Variants in PPP6R1 observed in about 807,000 individuals in gnomAD.
PPP6R1 encodes protein phosphatase 6 regulatory subunit 1.
PPP6R1 carries 39 observed loss-of-function variants against 104.6 expected under a neutral mutation model. The ratio of observed to expected loss-of-function variants is 0.37; its 90% CI spans 0.29 to 0.49. PPP6R1 has a LOEUF of 0.49. Ranked by LOEUF, PPP6R1 falls within the 20% of genes least tolerant of loss-of-function variation. PPP6R1 has a pLI of 0.98. For missense variants in PPP6R1, 1,181 were observed against 1,155.8 expected, an observed-to-expected ratio of 1.02 and a Z score of -0.32; for synonymous variants, 549 against 479.0, an observed-to-expected ratio of 1.15 and a Z score of -1.91.
At chr19:55,257,596 C>T (rs971311707) in intron 1 of PPP6R1, among the ~76,000 whole-genome samples, 9 of 152,152 alleles carry the variant, frequency 5.9e-5, no homozygotes, top group African/African-American at 2.2e-4. Context: ...CCCTTCTTCC[C>T]ACTCTCCATC....
rs770506500 is a variant in PPP6R1 at position 55,240,214 on chromosome 19, A to G, written c.1361+22T>C. 4 of 1,579,048 alleles carry G rather than the reference A, an allele frequency of 2.5e-6. 1 individual carries two copies. The South Asian group carries it at 3.5e-5, about 14-fold the overall frequency. On this transcript the variant is annotated intron_variant, in intron 11 of 23. Transcript: ENST00000412770. ...CCAGGCAGCCCCAGCCCCTGGAGAC[A>G]TGAAGGGCAGCAGGTGCTCACTGTA...
In PPP6R1 at chr19:55,236,785, G is replaced by A. The variant is rs772046541; in HGVS notation, c.1846C>T (p.Arg616Cys). 24 of 1,613,810 alleles carry A rather than the reference G, an allele frequency of 1.5e-5. No individual in the cohort carries two copies. Among genetic ancestry groups the A allele is most frequent in the East Asian group, 2.2e-5 (1 of 44,892 alleles). ...ANLLEICYKDRIQQFDDDEEE... is the reference protein window; with the variant it reads ...ANLLEICYKDCIQQFDDDEEE... ...TCATCATCATCAAACTGCTGGATGCGGTCCTTGTAGCATATCTCAAGTAGG... is the reference window on the plus strand; with the variant it reads ...TCATCATCATCAAACTGCTGGATGCAGTCCTTGTAGCATATCTCAAGTAGG... Residue 616 changes from arginine to cysteine, a missense_variant, in exon 17 of 24, where the codon CGC becomes TGC. Around this residue, in one of 2 missense-constraint regions of PPP6R1, gnomAD observed 1,042 missense variants for 955.6 expected, o/e 1.09. Transcript: ENST00000412770.
At position 55,245,187 on chromosome 19, in the gene PPP6R1, T is replaced by C; in HGVS notation, c.553-2A>G. ...GACGATCTTCTCCTCGTTGAGCCAC[T>C]GAGGGTGAGAAGGCGAGGGATGCAT... On this transcript the variant is annotated splice_acceptor_variant, in intron 4 of 23. Coordinates refer to ENST00000412770, the MANE Select transcript of PPP6R1 (RefSeq NM_014931.4). LOFTEE classifies it high-confidence loss of function. The surrounding 1 kb of genome is among the most constrained non-coding windows in gnomAD (Gnocchi z 6.4). The C allele has an allele frequency of 6.2e-7, 1 of 1,612,752 alleles. No individual in the cohort carries two copies. The highest frequency in any genetic ancestry group is 8.5e-7 in the Non-Finnish European group (1 of 1,179,506).
chr19:55,237,618 A>G (rs1047256860), intron 15 of PPP6R1, among the ~76,000 whole-genome samples: 1 of 152,228 alleles, frequency 6.6e-6, no homozygotes, highest in Non-Finnish European at 1.5e-5. Flanking sequence ...ATCAATGGAT[A>G]AAGGACAGTT....
intron 17 of PPP6R1, 138 bp downstream of exon 17, chr19:55,236,505 C>A: frequency 1.1e-5 from 11 of 962,148 alleles, no homozygotes; most frequent in Non-Finnish European, 1.6e-5. Flanking sequence ...AGTGAAAGTG[C>A]CCCCAACTAA....
chr19:55,235,098 A>C (rs575757881), intron 17 of PPP6R1, among the ~76,000 whole-genome samples: 2 of 152,312 alleles, frequency 1.3e-5, no homozygotes, highest in African/African-American at 4.8e-5. Context: ...CGAAATCAAA[A>C]GTCATGAGTC....
chr19:55,237,739 G>A (rs2087412302), intron 15 of PPP6R1, among the ~76,000 whole-genome samples: 1 of 152,216 alleles, frequency 6.6e-6, no homozygotes. Flanking sequence ...AGAAGCAGCG[G>A]AGCAGAGACC....
chr19:55,236,453 G>A (rs1056163435), intron 17 of PPP6R1, 190 bp downstream of exon 17: 85 of 636,762 alleles, frequency 1.3e-4, no homozygotes, highest in African/African-American at 1.3e-3. Flanking sequence ...GATTACATGA[G>A]CCCACCATGC....
chr19:55,242,334 C>G, intron 6 of PPP6R1, 42 bp downstream of exon 6: 1 of 1,612,266 alleles, frequency 6.2e-7, no homozygotes, highest in Non-Finnish European at 8.5e-7. Context: ...AGGGCTTCCC[C>G]AAGTCAGCTC....
At chr19:55,230,926 C>T (rs752119910) in intron 21 of PPP6R1, 42 bp from the exon 22 acceptor site, 1 of 1,475,984 alleles carries the variant, frequency 6.8e-7, no homozygotes, top group South Asian at 1.2e-5. Flanking sequence ...GTGGCCCCCA[C>T]CGTCACCTGC....
chr19:55,240,387 G>T, intron 10 of PPP6R1, 87 bp from the exon 11 acceptor site: 1 of 1,333,244 alleles, frequency 7.5e-7, no homozygotes, highest in Non-Finnish European at 1.0e-6. Flanking sequence ...CCCTTCCTCA[G>T]CAGATGCTTC....
Position 55,230,457 on chromosome 19 carries a change from C to A in PPP6R1, c.*71G>T. Reference sequence around the variant, plus strand: ...GAGGGCAATGGGGGCCATCGTGGGACCCGCCCTGCCCCCACCCCGGGAGAT... The same window carrying A: ...GAGGGCAATGGGGGCCATCGTGGGAACCGCCCTGCCCCCACCCCGGGAGAT... On this transcript the variant is annotated 3_prime_UTR_variant, in exon 24 of 24. Transcript: ENST00000412770. 1 of 1,600,034 alleles carries A rather than the reference C, an allele frequency of 6.2e-7. No individual in the cohort carries two copies. Among genetic ancestry groups the A allele is most frequent in the South Asian group, 1.1e-5 (1 of 90,294 alleles).
intron 17 of PPP6R1, among the ~76,000 whole-genome samples, chr19:55,233,644 C>T (rs900452374): frequency 4.6e-5 from 7 of 152,148 alleles, no homozygotes; most frequent in African/African-American, 1.4e-4. Flanking sequence ...TTTTCATATA[C>T]TTGTAACAAT....
At position 55,258,824 on chromosome 19, in the gene PPP6R1, C is replaced by G. The variant is rs1600122165; in HGVS notation, c.-396G>C. 6.6e-6 allele frequency: 1 copy of G among 152,250 alleles called. No homozygotes were observed. The highest frequency in any genetic ancestry group is 1.9e-4 in the East Asian group (1 of 5,168). 9.4% of individuals were successfully genotyped at this position (152,250 alleles called of 1,614,324 possible). A position where few individuals can be genotyped will look rare whatever the true frequency, so the allele number is the denominator to read the frequency against. ...GGGAAGTTGCCCCGGTTTCCACAGT[C>G]CAACCGAGCGCCCCACGGGAGGGGA... On this transcript the variant is annotated 5_prime_UTR_variant, in exon 1 of 24. Coordinates refer to ENST00000412770, the MANE Select transcript of PPP6R1 (RefSeq NM_014931.4).
Position 55,245,731 on chromosome 19 carries a change from G to T in PPP6R1, c.228-53C>A. ...GCTCGGGTCGGAGGCCGGGGGCAGG[G>T]GGCGGCAAGGCTCCACCCTCTTCTC... On this transcript the variant is annotated intron_variant, in intron 2 of 23. Coordinates refer to ENST00000412770, the MANE Select transcript of PPP6R1 (RefSeq NM_014931.4). The surrounding 1 kb of genome is among the most constrained non-coding windows in gnomAD (Gnocchi z 6.4). The T allele has an allele frequency of 7.1e-7, 1 of 1,406,014 alleles. No individual in the cohort carries two copies. Among genetic ancestry groups the T allele is most frequent in the Non-Finnish European group, 9.8e-7 (1 of 1,025,046 alleles). 87.1% of individuals were successfully genotyped at this position (1,406,014 alleles called of 1,614,324 possible).
At chr19:55,228,716 G>T (rs1452396953), downstream of PPP6R1, 2 of 1,613,338 alleles carry the variant, frequency 1.2e-6, no homozygotes. Context: ...AGTCTTCAGG[G>T]TCTGCCCCGC....
At chr19:55,234,762 C>A (rs1367916215) in intron 17 of PPP6R1, among the ~76,000 whole-genome samples, 1 of 152,158 alleles carries the variant, frequency 6.6e-6, no homozygotes, top group African/African-American at 2.4e-5. Flanking sequence ...CCCCACTGCA[C>A]GAGAGCCAGG....
At chr19:55,236,560 C>T in intron 17 of PPP6R1, 83 bp downstream of exon 17, 1 of 1,385,544 alleles carries the variant, frequency 7.2e-7, no homozygotes, top group Non-Finnish European at 9.5e-7. Flanking sequence ...TTCACTTCAG[C>T]CTCAGTCCAA....
chr19:55,242,666 G>A (rs2087469501), intron 5 of PPP6R1, 178 bp from the exon 6 acceptor site: 1 of 615,044 alleles, frequency 1.6e-6, no homozygotes, highest in Non-Finnish European at 2.9e-6. Flanking sequence ...GAAGATGGTG[G>A]AGAGAACAGG....
Sources: gnomAD v4.1 joint callset for allele counts (sites outside exome capture counted in the v4.1 genomes callset) on GRCh38, gnomAD v4.1.1 for gene constraint, gnomAD v4.1.1 regional missense constraint, Gnocchi (gnomAD v3.1) non-coding constraint, MANE v1.5 for transcripts, NCBI Gene and HGNC (gene_info 2026-07-23, HGNC 2026-07-21) for gene names.